The following SESN1 variants were observed in gnomAD, a reference collection of about 807,000 sequenced individuals.
SESN1 encodes the protein sestrin 1.
A neutral mutation model predicts 59.3 loss-of-function variants in SESN1; 30 were observed. The observed-to-expected ratio is 0.51, with a 90% CI of 0.38 to 0.69. The LOEUF is 0.69. SESN1 is among the 30% of genes least tolerant of loss of function. The probability of loss-of-function intolerance (pLI) is 0.00; values close to 1 mark genes in which losing one functional copy is unlikely to be tolerated. For missense variants in SESN1, 566 were observed against 673.0 expected (o/e 0.84, Z 1.76); for synonymous variants, 197 against 219.9 (o/e 0.90, Z 0.92).
At position 109,093,879 on chromosome 6, in the gene SESN1, T is replaced by C. The variant is rs1781397089; in HGVS notation, c.195A>G (p.Leu65=). Residue 65 remains leucine (L), a synonymous_variant, in exon 1 of 10, where the codon CTA becomes CTG. Transcript: ENST00000436639. ...NTESSDGLNK[L]LAHLLMLSKR... The stretch of plus-strand genomic sequence containing the variant: ...TAGAAAGCATAAGCAGATGAGCAAG[T>C]AGCTTATTCAACCCATCCGAAGACT... 1.2e-6 allele frequency: 2 copies of C among 1,614,218 alleles called. No individual in the cohort carries two copies. Among genetic ancestry groups the C allele is most frequent in the Non-Finnish European group, 8.5e-7 (1 of 1,180,032 alleles).
At chr6:109,009,560 G>GGCGGGAC in intron 1 of SESN1, 1 of 1,121,024 alleles carries the variant, frequency 8.9e-7, no homozygotes, top group Non-Finnish European at 1.1e-6. Flanking sequence ...GACGGCGGGG[G>GGCGGGAC]GGCGGGGCGG....
In SESN1 at chr6:109,094,052, C is replaced by A; in HGVS notation, c.22G>T (p.Val8Leu). 1 of 1,613,754 alleles carries A rather than the reference C, an allele frequency of 6.2e-7. No individual in the cohort carries two copies. The highest frequency in any genetic ancestry group is 8.5e-7 in the Non-Finnish European group (1 of 1,179,716). Residue 8 changes from valine (V) to leucine (L), a missense_variant, in exon 1 of 10, where the codon GTG becomes TTG. Coordinates refer to ENST00000436639, the MANE Select transcript of SESN1 (RefSeq NM_014454.3). ...CTGCTGCAGAGTCCATCCCATCTCA[C>A]TTCATTCTCTCCTTCAGCCATGACA... MAEGENEVRWDGLCSRDS... is the reference protein window; with the variant it reads MAEGENELRWDGLCSRDS...
rs1169268592 is a variant in SESN1 at position 108,992,040 on chromosome 6, T to C, written c.1233+747A>G. On this transcript the variant is annotated intron_variant, in intron 7 of 9. Coordinates refer to ENST00000436639, the MANE Select transcript of SESN1 (RefSeq NM_014454.3). ...TTCCAGCCCACATGATGTCTTCAAT[T>C]TCTAATCTATTGCATAATTATTCTA... is the stretch of plus-strand genomic sequence containing the variant. Among the ~76,000 whole-genome samples the C allele has an allele frequency of 2.0e-5, 3 of 152,350 alleles. No individual in the cohort carries two copies. In the East Asian group the frequency reaches 5.8e-4, roughly 29 times the overall value.
At position 109,075,137 on chromosome 6, in the gene SESN1, G is replaced by A. The variant is rs192340373; in HGVS notation, c.279+18658C>T. Among the ~76,000 whole-genome samples, 5 of 152,230 alleles carry A rather than the reference G, an allele frequency of 3.3e-5. No individual in the cohort carries two copies. The East Asian group carries it at 5.8e-4, about 18-fold the overall frequency. ...GACTGGACTCATACTATCACTAGCTGAAGCACACTCTATTCTGACATTAAT... is the reference window on the plus strand; with the variant it reads ...GACTGGACTCATACTATCACTAGCTAAAGCACACTCTATTCTGACATTAAT... On this transcript the variant is annotated intron_variant, in intron 1 of 9. Transcript: ENST00000436639.
chr6:109,009,558 G>T lies in SESN1; in HGVS notation c.280-7215C>A, dbSNP rs1383481865. The T allele has an allele frequency of 8.9e-6, 10 of 1,126,456 alleles. No individual in the cohort carries two copies. The East Asian group carries it at 1.4e-4, about 16-fold the overall frequency. 69.8% of individuals were successfully genotyped at this position (1,126,456 alleles called of 1,614,324 possible). A position where few individuals can be genotyped will look rare whatever the true frequency, so the allele number is the denominator to read the frequency against. ...GCGCCTCAGTCAGCACGGACGGCGG[G>T]GGGGCGGGGCGGCGCCGACAAACAA... On this transcript the variant is annotated intron_variant, in intron 1 of 9. Transcript: ENST00000436639.
At chr6:109,050,747 A>G (rs539964238) in intron 1 of SESN1, among the ~76,000 whole-genome samples, 1 of 152,144 alleles carries the variant, frequency 6.6e-6, no homozygotes, top group Non-Finnish European at 1.5e-5. Flanking sequence ...CTTCCAAGAG[A>G]GCTATCTTCT....
At chr6:109,083,594 AAGTC>A (rs1781160391) in intron 1 of SESN1, among the ~76,000 whole-genome samples, 1 of 152,226 alleles carries the variant, frequency 6.6e-6, no homozygotes, top group South Asian at 2.1e-4. Flanking sequence ...GTTATAATTT[AAGTC>A]AGTCAATGTA....
chr6:109,002,163 C>G, intron 2 of SESN1, 115 bp downstream of exon 2: 1 of 838,806 alleles, frequency 1.2e-6, no homozygotes, highest in Non-Finnish European at 1.9e-6. Context: ...TAACTGCAAC[C>G]AACTCTGACT....
intron 1 of SESN1, among the ~76,000 whole-genome samples, chr6:109,056,224 T>C (rs868410608): frequency 6.6e-6 from 1 of 152,268 alleles, no homozygotes; most frequent in East Asian, 1.9e-4. Context: ...CTTGGCAACA[T>C]AGGGAGACCT....
chr6:109,092,152 T>G (rs773148508), intron 1 of SESN1, among the ~76,000 whole-genome samples: 2 of 152,262 alleles, frequency 1.3e-5, no homozygotes, highest in Non-Finnish European at 2.9e-5. Context: ...ATATATTGCA[T>G]AGTCTATGTA....
intron 7 of SESN1, among the ~76,000 whole-genome samples, chr6:108,992,560 A>G (rs1779408160): frequency 6.6e-6 from 1 of 152,252 alleles, no homozygotes; most frequent in Non-Finnish European, 1.5e-5. Flanking sequence ...AAATACTTAC[A>G]TATTTAAATA....
intron 1 of SESN1, among the ~76,000 whole-genome samples, chr6:109,084,447 G>T (rs1781177899): frequency 6.6e-6 from 1 of 152,148 alleles, no homozygotes; most frequent in South Asian, 2.1e-4. Context: ...CCAGCCACTT[G>T]GGAGGCTGAG....
chr6:109,006,277 C>T (rs537909663), intron 1 of SESN1, among the ~76,000 whole-genome samples: 2 of 152,240 alleles, frequency 1.3e-5, no homozygotes, highest in South Asian at 4.1e-4. Flanking sequence ...TTTAGCATAA[C>T]TGATGAAAGC....
chr6:109,004,401 A>G (rs1779687971), intron 1 of SESN1, among the ~76,000 whole-genome samples: 1 of 152,138 alleles, frequency 6.6e-6, no homozygotes, highest in East Asian at 1.9e-4. Flanking sequence ...ATTTTAAAGA[A>G]AGATTACTAT....
At chr6:109,059,144 T>C (rs939501469) in intron 1 of SESN1, among the ~76,000 whole-genome samples, 1 of 151,908 alleles carries the variant, frequency 6.6e-6, no homozygotes, top group East Asian at 1.9e-4. Flanking sequence ...TCTTAACATT[T>C]AACCAACCTG....
rs764014847 is a variant in SESN1, at chr6:109,000,644, T to A, written c.576A>T (p.Leu192Phe). ...MAAARHQCSY[L>F]VNLHVNDFLH... ...GGAAATCATTTACATGCAGGTTCAC[T>A]AAGTAGGAGCACTGATGTCTTGCCG... is the stretch of plus-strand genomic sequence containing the variant. The change falls in exon 4 of 10, where the codon TTA (leucine) becomes TTT (phenylalanine). Residue 192 changes from leucine (L) to phenylalanine (F), a missense_variant. Physicochemically the swap from Leu to Phe is conservative, Grantham distance 22 (BLOSUM62 0). Transcript: ENST00000436639. The A allele has an allele frequency of 6.2e-7, 1 of 1,608,810 alleles. No individual in the cohort carries two copies. The highest frequency in any genetic ancestry group is 1.3e-5 in the African/African-American group (1 of 74,932).
At chr6:109,002,806 C>T (rs997922812) in intron 1 of SESN1, among the ~76,000 whole-genome samples, 6 of 152,128 alleles carry the variant, frequency 3.9e-5, no homozygotes, top group South Asian at 2.1e-4. Context: ...CAACACCTCA[C>T]GGTTAGAATG....
At chr6:109,026,301 CAGAA>C (rs898171750) in intron 1 of SESN1, among the ~76,000 whole-genome samples, 3 of 152,082 alleles carry the variant, frequency 2.0e-5, no homozygotes, top group African/African-American at 7.2e-5. Context: ...AAAATGATCT[CAGAA>C]GGAAGTGTGA....
intron 4 of SESN1, chr6:108,999,130 CTG>C (rs1345431473): frequency 1.2e-5 from 2 of 162,806 alleles, no homozygotes; most frequent in Admixed American, 1.2e-4. Context: ...GTAGAAGCTG[CTG>C]TGTGAAACGC....
Sources: gnomAD v4.1 joint callset for allele counts (sites outside exome capture counted in the v4.1 genomes callset) on GRCh38, gnomAD v4.1.1 for gene constraint, MANE v1.5 for transcripts, NCBI Gene and HGNC (gene_info 2026-07-23, HGNC 2026-07-21) for gene names.